The following POLE variants were observed in gnomAD, a reference collection of about 807,000 sequenced individuals.
POLE encodes the protein DNA polymerase epsilon catalytic subunit A.
Under a neutral mutation model 279.2 loss-of-function variants are expected in POLE, and 188 were observed. The observed-to-expected ratio is 0.67, with a 90% CI of 0.60 to 0.76. The LOEUF (loss-of-function observed/expected upper bound fraction) is 0.76, where lower values mean the gene tolerates loss of function less well. Ranked by LOEUF, POLE falls within the 30% of genes least tolerant of loss-of-function variation. The probability of loss-of-function intolerance (pLI) is 0.00; values close to 1 mark genes in which losing one functional copy is unlikely to be tolerated. For synonymous variants in POLE, 1,214 were observed against 1,172.5 expected (o/e 1.04, Z -0.72); for missense variants, 2,703 against 3,016.7 (o/e 0.90, Z 2.44).
At chr12:132,629,735 T>C (rs1191357604) in intron 45 of POLE, among the ~76,000 whole-genome samples, 1 of 152,240 alleles carries the variant, frequency 6.6e-6, no homozygotes, top group Non-Finnish European at 1.5e-5. Context: ...TTCACTTCTT[T>C]ATCTTTCATG....
At chr12:132,636,879 A>G (rs1346179972) in intron 41 of POLE, among the ~76,000 whole-genome samples, 1 of 152,262 alleles carries the variant, frequency 6.6e-6, no homozygotes, top group Non-Finnish European at 1.5e-5. Context: ...CTCCTGCAGG[A>G]GAACTTTATG....
At chr12:132,626,362 C>T (rs764635653) in intron 45 of POLE, 45 bp from the exon 46 acceptor site, 2 of 1,580,954 alleles carry the variant, frequency 1.3e-6, no homozygotes, top group African/African-American at 2.7e-5. Flanking sequence ...CCCGGGGCCT[C>T]CCTGCTGCTC....
At chr12:132,657,316 C>T (rs200807497) in intron 28 of POLE, 33 bp downstream of exon 28, 2 of 1,614,028 alleles carry the variant, frequency 1.2e-6, no homozygotes, top group East Asian at 4.5e-5. Context: ...CAGTTTTTAG[C>T]CCCACAGCCC....
At chr12:132,625,912 C>T in intron 46 of POLE, 142 bp from the exon 47 acceptor site, 1 of 1,224,576 alleles carries the variant, frequency 8.2e-7, no homozygotes, top group Non-Finnish European at 1.1e-6. Context: ...GCACTCTGGC[C>T]TCCCACCTGC....
At chr12:132,671,262 CAAAAAAAAAA>C (rs397850854) in intron 16 of POLE, among the ~76,000 whole-genome samples, 6 of 64,494 alleles carry the variant, frequency 9.3e-5, no homozygotes, top group Admixed American at 2.1e-4. Context: ...GACTCCGTCT[CAAAAAAAAAA>C]AAAAAAAAAA....
At chr12:132,660,568 C>T (rs1342776146) in intron 25 of POLE, 1 of 156,948 alleles carries the variant, frequency 6.4e-6, no homozygotes, top group African/African-American at 2.4e-5. Flanking sequence ...TGTAAACTGT[C>T]AAAATGTTAT....
intron 2 of POLE, 81 bp from the exon 3 acceptor site, chr12:132,680,768 T>G: frequency 9.0e-7 from 1 of 1,115,536 alleles, no homozygotes; most frequent in South Asian, 1.3e-5. Context: ...TTCGGGAAAC[T>G]CAGCACTTTA....
Position 132,642,611 on chromosome 12 carries a change from T to C in POLE, c.4847A>G (p.Lys1616Arg), listed in dbSNP as rs747323052. 13 of 1,613,508 alleles carry C rather than the reference T, an allele frequency of 8.1e-6. No homozygotes were observed. The South Asian group carries it at 1.2e-4, about 15-fold the overall frequency. ...CCAGTCCAGGACCCCATAGTTGATC[T>C]TGTCAGCCACACAGATAGGCACCAG... ...FPLVPICVAD[K>R]INYGVLDWQR... Residue 1616 changes from lysine (K) to arginine (R), a missense_variant, in exon 37 of 49, where the codon AAG becomes AGG. Transcript: ENST00000320574.
At chr12:132,632,232 A>G (rs915775049) in intron 45 of POLE, 83 bp downstream of exon 45, 5 of 1,093,498 alleles carry the variant, frequency 4.6e-6, no homozygotes, top group Non-Finnish European at 6.8e-6. Context: ...CACGCATTAC[A>G]GCCTCACCTT....
chr12:132,687,273 C>T lies in POLE; in HGVS notation c.43G>A (p.Ala15Thr), dbSNP rs1060500788. Residue 15 changes from alanine (A) to threonine (T), a missense_variant, in exon 1 of 49, where the codon GCG (alanine) becomes ACG (threonine). Coordinates refer to ENST00000320574, the MANE Select transcript of POLE (RefSeq NM_006231.4). ...SGGRRRADPG[A>T]DGEASRDDGA... ...CCTCACCTGCTGGCCTCGCCATCCGCGCCTGGGTCCGCGCGCCGCCGCCCG... is the reference window on the plus strand; with the variant it reads ...CCTCACCTGCTGGCCTCGCCATCCGTGCCTGGGTCCGCGCGCCGCCGCCCG... 2.3e-5 allele frequency: 35 copies of T among 1,501,604 alleles called. No homozygotes were observed. Among genetic ancestry groups the T allele is most frequent in the Non-Finnish European group, 2.9e-5 (33 of 1,127,752 alleles). The allele number at this position is 1,501,604 out of a possible 1,614,324, so 93.0% of individuals were successfully genotyped here.
chr12:132,649,406 A>G lies in POLE; in HGVS notation c.3905T>C (p.Leu1302Pro), dbSNP rs766058852. 3.1e-6 allele frequency: 5 copies of G among 1,613,196 alleles called. No homozygotes were observed. The highest frequency in any genetic ancestry group is 1.7e-4 in the Middle Eastern group (1 of 6,054). The change falls in exon 31 of 49, where the codon CTC (leucine) becomes CCC (proline). Residue 1302 changes from leucine (L) to proline (P), a missense_variant. Physicochemically the swap from Leu to Pro is moderately conservative, Grantham distance 98 (BLOSUM62 -3). Transcript: ENST00000320574. ...RQRLESAEGV[L>P]RPGAIRDGPA... is the part of the protein sequence containing the mutation. ...ACCATCCCGGATGGCCCCGGGCCTG[A>G]GCACACCCTCTGCCGACTCCAGACG...
chr12:132,643,410 G>A lies in POLE; in HGVS notation c.4441C>T (p.Pro1481Ser), dbSNP rs765477380. ...RSLAQFSYLE[P>S]GSIRHIYLYH... ...GGGCGGCTGGTGCAGGCCATACCTG[G>A]TTCCAGGTAGCTGAACTGGGCCAGA... is the stretch of plus-strand genomic sequence containing the variant. The change falls in exon 34 of 49, where the codon CCA (proline) becomes TCA (serine). Residue 1481 changes from proline to serine, a missense_variant. Transcript: ENST00000320574. 7 of 1,614,236 alleles carry A rather than the reference G, an allele frequency of 4.3e-6. No homozygotes were observed. The highest frequency in any genetic ancestry group is 5.1e-6 in the Non-Finnish European group (6 of 1,180,040).
In POLE at chr12:132,643,426, C is replaced by A. The variant is rs1019624446; in HGVS notation, c.4425G>T (p.Gln1475His). ...LEHLEMRSLA[Q>H]FSYLEPGSIR... The stretch of plus-strand genomic sequence containing the variant: ...CCATACCTGGTTCCAGGTAGCTGAA[C>A]TGGGCCAGAGAGCGCATCTCCAGGT... Residue 1475 changes from glutamine to histidine, a missense_variant, in exon 34 of 49, where the codon CAG becomes CAT. Around this residue, in one of 5 missense-constraint regions of POLE, gnomAD observed 1,551 missense variants for 1,686.1 expected, o/e 0.92. Coordinates refer to ENST00000320574, the MANE Select transcript of POLE (RefSeq NM_006231.4). 6.2e-7 allele frequency: 1 copy of A among 1,614,228 alleles called. No individual in the cohort carries two copies. The highest frequency in any genetic ancestry group is 1.3e-5 in the African/African-American group (1 of 75,060).
At chr12:132,632,840 C>G in intron 43 of POLE, 45 bp from the exon 44 acceptor site, 1 of 1,550,792 alleles carries the variant, frequency 6.4e-7, no homozygotes, top group Non-Finnish European at 8.7e-7. Context: ...CGGGCTGCTG[C>G]AAACACCCTA....
Position 132,634,836 on chromosome 12 carries a change from T to C in POLE, c.5812-458A>G, listed in dbSNP as rs1190467173. ...CACCGACACCCACTGCCACCTGCCC[T>C]GACCACACGCTGATCCCCTCCTCAG... On this transcript the variant is annotated intron_variant, in intron 42 of 48. Transcript: ENST00000320574. This position sits in a 1 kb window ranked among gnomAD's most constrained non-coding sequence, Gnocchi z 4.0. 1.3e-5 allele frequency among the ~76,000 whole-genome samples: 2 copies of C among 152,128 alleles called. No individual in the cohort carries two copies. Among genetic ancestry groups the C allele is most frequent in the Non-Finnish European group, 2.9e-5 (2 of 68,032 alleles).
rs2042974463 is a variant in POLE at position 132,673,341 on chromosome 12, C to T, written c.1360-64G>A. 8.6e-6 allele frequency: 11 copies of T among 1,279,000 alleles called. No individual in the cohort carries two copies. The Admixed American group carries it at 1.7e-4, about 20-fold the overall frequency. 79.2% of individuals were successfully genotyped at this position (1,279,000 alleles called of 1,614,324 possible). A position where few individuals can be genotyped will look rare whatever the true frequency, so the allele number is the denominator to read the frequency against. ...CAAGAGCCCAGGGTCAAGTGTGAAG[C>T]ACAGAAAGCAAAGCCTGGCCTGACC... On this transcript the variant is annotated intron_variant, in intron 13 of 48. Transcript: ENST00000320574.
At chr12:132,641,971 C>T in intron 38 of POLE, 120 bp from the exon 39 acceptor site, 5 of 1,013,646 alleles carry the variant, frequency 4.9e-6, no homozygotes, top group Non-Finnish European at 5.9e-6. Flanking sequence ...CCACACCCAT[C>T]CTCACACCTG....
rs896731025 is a variant in POLE, at chr12:132,659,515, G to A, written c.3061-6C>T. 1 of 1,611,992 alleles carries A rather than the reference G, an allele frequency of 6.2e-7. No individual in the cohort carries two copies. Among genetic ancestry groups the A allele is most frequent in the Non-Finnish European group, 8.5e-7 (1 of 1,178,172 alleles). On this transcript the variant is annotated splice_region_variant and splice_polypyrimidine_tract_variant and intron_variant, in intron 25 of 48. Coordinates refer to ENST00000320574, the MANE Select transcript of POLE (RefSeq NM_006231.4). Reference sequence around the variant, plus strand: ...GAGTCAGGCATGTTGGCTGCCTAGAGAAAGACAATGGGTAAAACACTGCAG... The same window carrying A: ...GAGTCAGGCATGTTGGCTGCCTAGAAAAAGACAATGGGTAAAACACTGCAG...
At position 132,639,958 on chromosome 12, in the gene POLE, AAAAC is replaced by A. The variant is rs2042108534; in HGVS notation, c.5379-664_5379-661del. Among the ~76,000 whole-genome samples the A allele has an allele frequency of 5.1e-5, 1 of 19,532 alleles. No homozygotes were observed. The highest frequency in any genetic ancestry group is 8.8e-5 in the Non-Finnish European group (1 of 11,318). The allele number at this position is 19,532 out of a possible 152,430, so 12.8% of individuals were successfully genotyped here. On this transcript the variant is annotated intron_variant, in intron 39 of 48. Coordinates refer to ENST00000320574, the MANE Select transcript of POLE (RefSeq NM_006231.4). This position sits in a 1 kb window ranked among gnomAD's most constrained non-coding sequence, Gnocchi z 4.7. ...TGAGACTGTCTCAAAAAACAAAAACAAAACAAAACAAAACAAAACAAAACAAAAC... is the reference window on the plus strand; with the variant it reads ...TGAGACTGTCTCAAAAAACAAAAACAAAAACAAAACAAAACAAAACAAAAC...
Sources: gnomAD v4.1 joint callset for allele counts (sites outside exome capture counted in the v4.1 genomes callset) on GRCh38, gnomAD v4.1.1 for gene constraint, gnomAD v4.1.1 regional missense constraint, Gnocchi (gnomAD v3.1) non-coding constraint, MANE v1.5 for transcripts, NCBI Gene and HGNC (gene_info 2026-07-23, HGNC 2026-07-21) for gene names.